The following FAM3D variants were observed in gnomAD, a reference collection of about 807,000 sequenced individuals.
FAM3D encodes the protein protein FAM3D.
Under a neutral mutation model 29.8 loss-of-function variants are expected in FAM3D, and 26 were observed. The observed-to-expected ratio is 0.87, with a 90% confidence interval of 0.64 to 1.21. The LOEUF (loss-of-function observed/expected upper bound fraction) is 1.21, where lower values mean the gene tolerates loss of function less well. FAM3D is among the 50% of genes most tolerant of loss of function. The probability of loss-of-function intolerance (pLI) is 0.00; values close to 1 mark genes in which losing one functional copy is unlikely to be tolerated. For missense variants in FAM3D, 253 were observed against 290.9 expected, an observed-to-expected ratio of 0.87 and a Z score of 0.95; for synonymous variants, 115 against 102.3, an observed-to-expected ratio of 1.12 and a Z score of -0.75.
chr3:58,641,966 G>T (rs969077676), intron 6 of FAM3D, among the ~76,000 whole-genome samples: 5 of 152,198 alleles, frequency 3.3e-5, no homozygotes, highest in Non-Finnish European at 5.9e-5. Context: ...GCCATTTCCT[G>T]CCTGCCCTCG....
Position 58,643,904 on chromosome 3 carries a change from G to A in FAM3D, c.264-184C>T, listed in dbSNP as rs142743615. 2.9e-3 allele frequency among the ~76,000 whole-genome samples: 438 copies of A among 152,348 alleles called. 2 individuals carry two copies. The highest frequency in any genetic ancestry group is 9.9e-3 in the African/African-American group (410 of 41,582). The stretch of plus-strand genomic sequence containing the variant: ...AGTGGTGGGCTGGATTCTCTGAAGA[G>A]TTTCTCAAGGCATGTTGGACCAGAA... On this transcript the variant is annotated intron_variant, in intron 5 of 9. Transcript: ENST00000358781.
At chr3:58,644,114 C>T (rs1011580450) in intron 5 of FAM3D, among the ~76,000 whole-genome samples, 1 of 152,212 alleles carries the variant, frequency 6.6e-6, no homozygotes, top group African/African-American at 2.4e-5. Flanking sequence ...CCGGCATCCA[C>T]ACCCTTGTCT....
chr3:58,656,945 A>G (rs905995556), intron 1 of FAM3D, among the ~76,000 whole-genome samples: 2 of 152,034 alleles, frequency 1.3e-5, no homozygotes, highest in African/African-American at 4.8e-5. Context: ...CTGCAAAACC[A>G]CACCTCCTCT....
rs1044657580 is a variant in FAM3D, at chr3:58,634,063, G to A, written c.*216C>T. ...ACCCCATTCTCTCCACAGACAGCTGGTTCCAGAAGGACCCTCTGAGGCTGG... is the reference window on the plus strand; with the variant it reads ...ACCCCATTCTCTCCACAGACAGCTGATTCCAGAAGGACCCTCTGAGGCTGG... On this transcript the variant is annotated 3_prime_UTR_variant, in exon 10 of 10. Transcript: ENST00000358781. This position sits in a 1 kb window ranked among gnomAD's most constrained non-coding sequence, Gnocchi z 4.6. 2 of 514,668 alleles carry A rather than the reference G, an allele frequency of 3.9e-6. No individual in the cohort carries two copies. The highest frequency in any genetic ancestry group is 6.8e-6 in the Non-Finnish European group (2 of 292,060). The allele number at this position is 514,668 out of a possible 1,614,324, so 31.9% of individuals were successfully genotyped here.
At chr3:58,662,159 G>C (rs2066944304) in intron 1 of FAM3D, among the ~76,000 whole-genome samples, 1 of 152,206 alleles carries the variant, frequency 6.6e-6, no homozygotes, top group Non-Finnish European at 1.5e-5. Flanking sequence ...TGGAGTATCT[G>C]GGTTCACCCC....
Position 58,634,070 on chromosome 3 carries a change from A to C in FAM3D, c.*209T>G. The C allele has an allele frequency of 3.8e-6, 2 of 520,828 alleles. No individual in the cohort carries two copies. The highest frequency in any genetic ancestry group is 6.8e-6 in the Non-Finnish European group (2 of 295,720). 32.3% of individuals were successfully genotyped at this position (520,828 alleles called of 1,614,324 possible). On this transcript the variant is annotated 3_prime_UTR_variant, in exon 10 of 10. Coordinates refer to ENST00000358781, the MANE Select transcript of FAM3D (RefSeq NM_138805.3). The surrounding 1 kb of genome is among the most constrained non-coding windows in gnomAD (Gnocchi z 4.6). ...TCTCTCCACAGACAGCTGGTTCCAG[A>C]AGGACCCTCTGAGGCTGGTCTTCCG...
At chr3:58,649,397 G>A in intron 3 of FAM3D, 59 bp from the exon 4 acceptor site, 4 of 1,608,842 alleles carry the variant, frequency 2.5e-6, no homozygotes, top group Non-Finnish European at 3.4e-6. Flanking sequence ...CTGCAGGATG[G>A]AGGTTGGGGG....
chr3:58,636,126 T>C (rs1214739785), intron 9 of FAM3D, among the ~76,000 whole-genome samples, 168 bp downstream of exon 9: 1 of 152,248 alleles, frequency 6.6e-6, no homozygotes, highest in Non-Finnish European at 1.5e-5. Context: ...GGCAGCTTCC[T>C]GGCCAATCAG....
At chr3:58,664,916 A>C (rs1293509245) in intron 1 of FAM3D, among the ~76,000 whole-genome samples, 1 of 152,184 alleles carries the variant, frequency 6.6e-6, no homozygotes, top group Non-Finnish European at 1.5e-5. Flanking sequence ...TCTCACCAGG[A>C]CTGCCAGTAG....
chr3:58,644,953 G>T (rs900897713), intron 5 of FAM3D, among the ~76,000 whole-genome samples: 1 of 152,182 alleles, frequency 6.6e-6, no homozygotes, highest in Non-Finnish European at 1.5e-5. Flanking sequence ...ACTGTGGTTA[G>T]GTTCAGAATC....
At chr3:58,637,326 G>A (rs1208947245) in intron 7 of FAM3D, 101 bp from the exon 8 acceptor site, 25 of 1,056,230 alleles carry the variant, frequency 2.4e-5, no homozygotes, top group Middle Eastern at 3.1e-4. Context: ...AGCTAGGCCC[G>A]GTGGACACTG....
chr3:58,655,182 G>T (rs1403103269), intron 2 of FAM3D, among the ~76,000 whole-genome samples: 1 of 152,136 alleles, frequency 6.6e-6, no homozygotes, highest in Non-Finnish European at 1.5e-5. Flanking sequence ...GTACAAAGGG[G>T]GATACAGTAT....
chr3:58,645,765 T>C lies in FAM3D; in HGVS notation c.146-139A>G, dbSNP rs111951623. The C allele has an allele frequency of 1.0e-4, 77 of 733,750 alleles. No homozygotes were observed. The Middle Eastern group carries it at 3.4e-3, about 32-fold the overall frequency. 45.5% of individuals were successfully genotyped at this position (733,750 alleles called of 1,614,324 possible). ...CTCTTTCTGGGGGAGCCTTCGCTGA[T>C]TGCAAAGTCTGGGAGATGTGCCCTT... On this transcript the variant is annotated intron_variant, in intron 4 of 9. Coordinates refer to ENST00000358781, the MANE Select transcript of FAM3D (RefSeq NM_138805.3).
Position 58,649,485 on chromosome 3 carries a change from C to A in FAM3D, c.122-147G>T. On this transcript the variant is annotated intron_variant, in intron 3 of 9. Transcript: ENST00000358781. ...AACTAAAAATGCCTTGCCACTGTCA[C>A]CCCTTCACACACATACATACACACA... The A allele has an allele frequency of 6.1e-6, 5 of 818,344 alleles. No individual in the cohort carries two copies. In the Admixed American group the frequency reaches 8.5e-5, roughly 14 times the overall value. The allele number at this position is 818,344 out of a possible 1,614,324, so 50.7% of individuals were successfully genotyped here. A position where few individuals can be genotyped will look rare whatever the true frequency, so the allele number is the denominator to read the frequency against.
intron 7 of FAM3D, among the ~76,000 whole-genome samples, chr3:58,637,897 A>ATTATTATTATTATTATTC (rs1301796182): frequency 4.0e-5 from 6 of 151,510 alleles, no homozygotes; most frequent in Non-Finnish European, 7.4e-5. Context: ...TATTATTATT[A>ATTATTATTATTATTATTC]TTCTGACACA....
intron 1 of FAM3D, among the ~76,000 whole-genome samples, chr3:58,658,976 A>G (rs2066879521): frequency 6.6e-6 from 1 of 152,254 alleles, no homozygotes. Context: ...AGCATCAGGC[A>G]GCGAAAACCT....
chr3:58,647,216 C>A (rs1016139773), intron 4 of FAM3D, among the ~76,000 whole-genome samples: 10 of 152,238 alleles, frequency 6.6e-5, no homozygotes, highest in African/African-American at 2.2e-4. Flanking sequence ...CATTGTCACC[C>A]AGAGAGTGGG....
chr3:58,660,717 G>A (rs1407519329), intron 1 of FAM3D, among the ~76,000 whole-genome samples: 1 of 152,154 alleles, frequency 6.6e-6, no homozygotes, highest in East Asian at 1.9e-4. Context: ...ACGAAAATGT[G>A]CAGGATTTTT....
intron 7 of FAM3D, 133 bp from the exon 8 acceptor site, chr3:58,637,358 G>A: frequency 1.3e-6 from 1 of 773,164 alleles, no homozygotes; most frequent in East Asian, 2.7e-5. Flanking sequence ...GAAGCCAGGA[G>A]GAAGAGCATC....
Sources: gnomAD v4.1 joint callset for allele counts (sites outside exome capture counted in the v4.1 genomes callset) on GRCh38, gnomAD v4.1.1 for gene constraint, Gnocchi (gnomAD v3.1) non-coding constraint, MANE v1.5 for transcripts, NCBI Gene and HGNC (gene_info 2026-07-23, HGNC 2026-07-21) for gene names.